Variants in SH3PXD2B observed in about 807,000 individuals in gnomAD.
SH3PXD2B encodes the protein SH3 and PX domains 2B, also known as SH3 and PX domain-containing protein 2B.
A neutral mutation model predicts 73.1 loss-of-function variants in SH3PXD2B; 37 were observed. That is an observed-to-expected ratio of 0.51 (90% CI 0.39 to 0.67). SH3PXD2B has a LOEUF of 0.67. SH3PXD2B is among the 30% of genes least tolerant of loss of function. SH3PXD2B has a pLI of 0.00. For missense variants in SH3PXD2B, 1,053 were observed against 1,197.8 expected (o/e 0.88, Z 1.78); for synonymous variants, 457 against 480.5 (o/e 0.95, Z 0.64).
chr5:172,365,027 C>G (rs1422796436), intron 6 of SH3PXD2B, among the ~76,000 whole-genome samples: 1 of 152,204 alleles, frequency 6.6e-6, no homozygotes, highest in African/African-American at 2.4e-5. Flanking sequence ...AAGGGTACTG[C>G]TTCTTGGCTC....
At chr5:172,347,657 C>T (rs1757026361) in intron 10 of SH3PXD2B, among the ~76,000 whole-genome samples, 2 of 148,986 alleles carry the variant, frequency 1.3e-5, no homozygotes, top group African/African-American at 5.2e-5. Flanking sequence ...GGTCCCAATC[C>T]AGCTCTGAGG....
chr5:172,339,179 A>G lies in SH3PXD2B; in HGVS notation c.1926T>C (p.Val642=), dbSNP rs1756783546. The change falls in exon 13 of 13, where the codon GTT becomes GTC. Residue 642 remains valine (V), a synonymous_variant. Coordinates refer to ENST00000311601, the MANE Select transcript of SH3PXD2B (RefSeq NM_001017995.3). This position sits in a 1 kb window ranked among gnomAD's most constrained non-coding sequence, Gnocchi z 6.1. The part of the protein sequence containing the change: ...QNPFLKSRPQ[V]RPKPAPSPKT... ...TGGGGGAAGGAGCTGGTTTTGGCCT[A>G]ACCTGAGGTCTGGACTTCAAGAAGG... 6.2e-7 allele frequency: 1 copy of G among 1,614,026 alleles called. No homozygotes were observed. Among genetic ancestry groups the G allele is most frequent in the African/African-American group, 1.3e-5 (1 of 75,056 alleles).
intron 5 of SH3PXD2B, among the ~76,000 whole-genome samples, chr5:172,376,208 T>C (rs1346551733): frequency 6.6e-6 from 1 of 152,214 alleles, no homozygotes; most frequent in Admixed American, 6.5e-5. Context: ...TTTGTATTTT[T>C]AGTAGAGACG....
In SH3PXD2B at chr5:172,414,881, C is replaced by T. The variant is rs567839637; in HGVS notation, c.156+7535G>A. ...CTCCTGCTCCATTGCACCTCTGCACCTTTGCACATGAGGTGTCCTCTGCAT... is the reference window on the plus strand; with the variant it reads ...CTCCTGCTCCATTGCACCTCTGCACTTTTGCACATGAGGTGTCCTCTGCAT... On this transcript the variant is annotated intron_variant, in intron 2 of 12. Transcript: ENST00000311601. Among the ~76,000 whole-genome samples, 23 of 152,256 alleles carry T rather than the reference C, an allele frequency of 1.5e-4. No individual in the cohort carries two copies. In the South Asian group the frequency reaches 4.6e-3, roughly 30 times the overall value.
Position 172,346,506 on chromosome 5 carries a change from T to C in SH3PXD2B, c.1063-245A>G, listed in dbSNP as rs17074687. Among the ~76,000 whole-genome samples, 6,916 of 152,056 alleles carry C rather than the reference T, an allele frequency of 0.045. 522 individuals are homozygous for C. Among genetic ancestry groups the C allele is most frequent in the African/African-American group, 0.15 (6,350 of 41,424 alleles). On this transcript the variant is annotated intron_variant, in intron 11 of 12. Transcript: ENST00000311601. ...GACATTTGGGTACAATCATGAGAAT[T>C]TGGAGCAAGACAATATTCTCTGAAA...
At chr5:172,389,605 A>G (rs886938634) in intron 4 of SH3PXD2B, among the ~76,000 whole-genome samples, 4 of 147,146 alleles carry the variant, frequency 2.7e-5, no homozygotes, top group Admixed American at 2.1e-4. Context: ...ATGTGCTGGT[A>G]GTTCCAGCTA....
chr5:172,427,578 C>T (rs1299004814), intron 1 of SH3PXD2B, among the ~76,000 whole-genome samples: 1 of 152,062 alleles, frequency 6.6e-6, no homozygotes, highest in Non-Finnish European at 1.5e-5. Context: ...TATCGAACTC[C>T]TGGCTCGAGT....
chr5:172,399,651 CCTTT>C lies in SH3PXD2B; in HGVS notation c.233-5016_233-5013del, dbSNP rs567976191. Among the ~76,000 whole-genome samples the C allele has an allele frequency of 3.6e-3, 550 of 152,280 alleles. 2 individuals are homozygous for C. Among genetic ancestry groups the C allele is most frequent in the African/African-American group, 0.012 (488 of 41,552 alleles). On this transcript the variant is annotated intron_variant, in intron 3 of 12. Coordinates refer to ENST00000311601, the MANE Select transcript of SH3PXD2B (RefSeq NM_001017995.3). ...TAACTAATTCCACTTTTCCTGATTG[CCTTT>C]CTTTTTCTCCTTACAAACCTAAAAA...
At chr5:172,427,749 G>A (rs952097787) in intron 1 of SH3PXD2B, among the ~76,000 whole-genome samples, 1 of 151,332 alleles carries the variant, frequency 6.6e-6, no homozygotes, top group African/African-American at 2.4e-5. Context: ...TGGCTGAAAT[G>A]TTAAGTTTTA....
At chr5:172,369,570 C>A (rs62387167) in intron 6 of SH3PXD2B, among the ~76,000 whole-genome samples, 4 of 152,214 alleles carry the variant, frequency 2.6e-5, no homozygotes, top group Non-Finnish European at 5.9e-5. Context: ...GAGTTTGAGA[C>A]CAGCCTGGCC....
chr5:172,406,740 A>G (rs760695639), intron 2 of SH3PXD2B, among the ~76,000 whole-genome samples: 1 of 152,130 alleles, frequency 6.6e-6, no homozygotes, highest in Non-Finnish European at 1.5e-5. Flanking sequence ...CATCCAATCA[A>G]TGTGGTTCGG....
At chr5:172,403,497 T>C (rs1031184766) in intron 3 of SH3PXD2B, among the ~76,000 whole-genome samples, 10 of 128,700 alleles carry the variant, frequency 7.8e-5, no homozygotes, top group Non-Finnish European at 1.6e-4. Flanking sequence ...GGTCCTGGGG[T>C]CCAGCAGGAC....
intron 2 of SH3PXD2B, among the ~76,000 whole-genome samples, chr5:172,407,985 TAAA>T (rs1280546181): frequency 3.9e-5 from 6 of 152,208 alleles, no homozygotes; most frequent in East Asian, 1.9e-4. Context: ...CAAAGACAAT[TAAA>T]AAGGCCAGGG....
At chr5:172,376,896 T>C (rs1757833996) in intron 5 of SH3PXD2B, among the ~76,000 whole-genome samples, 1 of 152,220 alleles carries the variant, frequency 6.6e-6, no homozygotes, top group Admixed American at 6.5e-5. Flanking sequence ...GAAGTCTGGC[T>C]GGAGCCCACT....
intron 3 of SH3PXD2B, among the ~76,000 whole-genome samples, chr5:172,402,595 C>G (rs1758443247): frequency 6.6e-6 from 1 of 152,210 alleles, no homozygotes; most frequent in South Asian, 2.1e-4. Context: ...TGTACTCTTT[C>G]CCTTTATTTC....
rs373659178 is a variant in SH3PXD2B at position 172,369,213 on chromosome 5, TTTTTG to T, written c.427+4572_427+4576del. Among the ~76,000 whole-genome samples, 897 of 150,988 alleles carry T rather than the reference TTTTTG, an allele frequency of 5.9e-3. 5 individuals are homozygous for T. Among genetic ancestry groups the T allele is most frequent in the African/African-American group, 0.02 (820 of 40,860 alleles). ...CCTGGTTGAATGTTTTTATGTATTTTTTTTGTTTTGTTTTGTTTTGTTTGTTTTGT... is the reference window on the plus strand; with the variant it reads ...CCTGGTTGAATGTTTTTATGTATTTTTTTTGTTTTGTTTTGTTTGTTTTGT... On this transcript the variant is annotated intron_variant, in intron 6 of 12. Coordinates refer to ENST00000311601, the MANE Select transcript of SH3PXD2B (RefSeq NM_001017995.3).
rs1019129911 is a variant in SH3PXD2B, at chr5:172,338,511, T to C, written c.2594A>G (p.Lys865Arg). 1.2e-6 allele frequency: 2 copies of C among 1,614,194 alleles called. No homozygotes were observed. The highest frequency in any genetic ancestry group is 1.7e-6 in the Non-Finnish European group (2 of 1,180,028). ...YVAVADFEGD[K>R]DTSSFQEGTV... ...CCCTTCCTGGAAGCTGCTGGTGTCT[T>C]TGTCTCCTTCAAAGTCGGCCACGGC... The change falls in exon 13 of 13, where the codon AAA (lysine) becomes AGA (arginine). Residue 865 changes from lysine to arginine, a missense_variant. Around this residue, in one of 2 missense-constraint regions of SH3PXD2B, gnomAD observed 587 missense variants for 590.7 expected, o/e 0.99. Coordinates refer to ENST00000311601, the MANE Select transcript of SH3PXD2B (RefSeq NM_001017995.3). This position sits in a 1 kb window ranked among gnomAD's most constrained non-coding sequence, Gnocchi z 5.1.
rs7442628 is a variant in SH3PXD2B at position 172,336,705 on chromosome 5, C to T, written c.*1664G>A. 15 of 71,936 alleles carry T rather than the reference C, an allele frequency of 2.1e-4. No homozygotes were observed. The highest frequency in any genetic ancestry group is 2.9e-4 in the Non-Finnish European group (14 of 48,542). 4.5% of individuals were successfully genotyped at this position (71,936 alleles called of 1,614,324 possible). ...TGGGGCAGGGCAGGGTGGGGAGGGGCGGGGCAGGGCAGGGCAGGGCTGCCT... is the reference window on the plus strand; with the variant it reads ...TGGGGCAGGGCAGGGTGGGGAGGGGTGGGGCAGGGCAGGGCAGGGCTGCCT... On this transcript the variant is annotated 3_prime_UTR_variant, in exon 13 of 13. Transcript: ENST00000311601.
In SH3PXD2B at chr5:172,382,106, A is replaced by G; in HGVS notation, c.331T>C (p.Tyr111His). Residue 111 changes from tyrosine (Y) to histidine (H), a missense_variant, in exon 5 of 13, where the codon TAC becomes CAC. Tyr to His is a moderately conservative substitution (Grantham distance 83, BLOSUM62 2). Coordinates refer to ENST00000311601, the MANE Select transcript of SH3PXD2B (RefSeq NM_001017995.3). ...AGCACCTCATCACACTGAGAGATGTAGGGGGGCAGCTGGATGAGGGCCTGG... is the reference window on the plus strand; with the variant it reads ...AGCACCTCATCACACTGAGAGATGTGGGGGGGCAGCTGGATGAGGGCCTGG... ...YCKALIQLPP[Y>H]ISQCDEVLQF... 1 of 1,609,584 alleles carries G rather than the reference A, an allele frequency of 6.2e-7. No individual in the cohort carries two copies. Among genetic ancestry groups the G allele is most frequent in the African/African-American group, 1.3e-5 (1 of 74,972 alleles).
Sources: allele counts gnomAD v4.1 joint callset (sites outside exome capture counted in the v4.1 genomes callset), GRCh38; gene constraint gnomAD v4.1.1; regional missense constraint gnomAD v4.1.1; non-coding constraint Gnocchi (gnomAD v3.1); transcripts MANE v1.5; gene names NCBI Gene and HGNC (gene_info 2026-07-23, HGNC 2026-07-21).